The following OXR1 variants were observed in gnomAD, a reference collection of about 807,000 sequenced individuals.
The protein encoded by OXR1 is oxidation resistance protein 1.
A neutral mutation model predicts 104.6 loss-of-function variants in OXR1; 41 were observed. That is an observed-to-expected ratio of 0.39 (90% CI 0.31 to 0.51). The LOEUF (loss-of-function observed/expected upper bound fraction) is 0.51, where lower values mean the gene tolerates loss of function less well. OXR1 is among the 20% of genes least tolerant of loss of function. OXR1 has a pLI of 0.77. For missense variants in OXR1, 955 were observed against 1,031.9 expected (o/e 0.93, Z 1.02); for synonymous variants, 348 against 348.4 (o/e 1.00, Z 0.01).
chr8:106,415,577 G>GAC (rs1818640868), intron 2 of OXR1, among the ~76,000 whole-genome samples: 2 of 121,798 alleles, frequency 1.6e-5, no homozygotes, highest in East Asian at 2.9e-4. Flanking sequence ...GACTGAGAGA[G>GAC]AGAGAGAGAC....
At chr8:106,469,304 G>A (rs959954458) in intron 2 of OXR1, among the ~76,000 whole-genome samples, 7 of 151,744 alleles carry the variant, frequency 4.6e-5, no homozygotes, top group Non-Finnish European at 1.0e-4. Context: ...TTGAATGCAT[G>A]AGAATGGTTA....
chr8:106,597,787 A>G (rs964897763), intron 3 of OXR1, among the ~76,000 whole-genome samples: 21 of 152,082 alleles, frequency 1.4e-4, no homozygotes, highest in Admixed American at 7.2e-4. Flanking sequence ...ATCTCTGATC[A>G]CTATTCACAA....
At chr8:106,364,515 G>A (rs1474680762) in intron 2 of OXR1, among the ~76,000 whole-genome samples, 1 of 152,096 alleles carries the variant, frequency 6.6e-6, no homozygotes, top group Non-Finnish European at 1.5e-5. Flanking sequence ...AGGAGGCAGA[G>A]GTTGCAGTGA....
At chr8:106,436,957 C>T (rs1381490900) in intron 2 of OXR1, among the ~76,000 whole-genome samples, 5 of 152,018 alleles carry the variant, frequency 3.3e-5, no homozygotes, top group Non-Finnish European at 7.4e-5. Flanking sequence ...TGTACCTTCC[C>T]CAAAAAGAAA....
rs796149136 is a variant in OXR1, at chr8:106,360,493, T to C, written c.23+857T>C. ...CTCAACTTAGCTCCATAAATTTATTTTTAGTGAAGTCAGCAATTTTTTTAG... is the reference window on the plus strand; with the variant it reads ...CTCAACTTAGCTCCATAAATTTATTCTTAGTGAAGTCAGCAATTTTTTTAG... On this transcript the variant is annotated intron_variant, in intron 2 of 16. Coordinates refer to ENST00000517566, the MANE Select transcript of OXR1 (RefSeq NM_001198533.2). Among the ~76,000 whole-genome samples, 9 of 152,276 alleles carry C rather than the reference T, an allele frequency of 5.9e-5. 1 individual carries two copies. The highest frequency in any genetic ancestry group is 2.2e-4 in the African/African-American group (9 of 41,562).
chr8:106,666,782 A>G (rs2131126262), intron 3 of OXR1, among the ~76,000 whole-genome samples: 1 of 152,300 alleles, frequency 6.6e-6, no homozygotes, highest in Non-Finnish European at 1.5e-5. Flanking sequence ...GTAATCAGAT[A>G]TCCAGGATCG....
At chr8:106,523,948 G>A (rs1813451881) in intron 3 of OXR1, among the ~76,000 whole-genome samples, 2 of 151,862 alleles carry the variant, frequency 1.3e-5, no homozygotes, top group Non-Finnish European at 2.9e-5. Context: ...CTAAGTTTTT[G>A]TATTTTTTTA....
intron 1 of OXR1, among the ~76,000 whole-genome samples, chr8:106,274,690 T>G (rs980524020): frequency 6.7e-6 from 1 of 149,638 alleles, no homozygotes; most frequent in African/African-American, 2.5e-5. Context: ...TGTACCTGTC[T>G]TGGAAAAAGG....
intron 1 of OXR1, among the ~76,000 whole-genome samples, chr8:106,321,791 CAATT>C (rs1307162766): frequency 1.3e-5 from 2 of 152,102 alleles, no homozygotes; most frequent in Admixed American, 6.5e-5. Context: ...CAATCTTAAA[CAATT>C]AATTGGGAAC....
chr8:106,600,769 G>A (rs1819912553), intron 3 of OXR1, among the ~76,000 whole-genome samples: 1 of 152,028 alleles, frequency 6.6e-6, no homozygotes, highest in South Asian at 2.1e-4. Context: ...TGTCATATAG[G>A]CTGATCTCAG....
intron 3 of OXR1, among the ~76,000 whole-genome samples, chr8:106,571,699 C>T (rs1381413610): frequency 1.3e-5 from 2 of 152,098 alleles, no homozygotes; most frequent in South Asian, 2.1e-4. Flanking sequence ...GGGTGAGATA[C>T]GGGTGAGACT....
chr8:106,664,470 A>G (rs1017121123), intron 3 of OXR1, among the ~76,000 whole-genome samples: 62 of 152,360 alleles, frequency 4.1e-4, no homozygotes, highest in Non-Finnish European at 5.9e-5. Flanking sequence ...AAGTAAATAT[A>G]GAAATGATGA....
At chr8:106,670,839 A>G (rs1826870024) in intron 3 of OXR1, among the ~76,000 whole-genome samples, 1 of 152,086 alleles carries the variant, frequency 6.6e-6, no homozygotes, top group Admixed American at 6.6e-5. Flanking sequence ...CAAAAGCATT[A>G]TTTAAAGAGA....
At chr8:106,595,895 G>A (rs1206119192) in intron 3 of OXR1, among the ~76,000 whole-genome samples, 27 of 152,142 alleles carry the variant, frequency 1.8e-4, no homozygotes, top group Non-Finnish European at 1.6e-4. Flanking sequence ...CAGGTCAGGG[G>A]AGACTGGTGA....
chr8:106,470,915 GATTGCTGACCATTGGAGGTC>G (rs1821457027), intron 2 of OXR1, among the ~76,000 whole-genome samples: 1 of 151,952 alleles, frequency 6.6e-6, no homozygotes, highest in African/African-American at 2.4e-5. Context: ...TAGCAATGGT[GATTGCTGACCATTGGAGGTC>G]ATTGCTGACC....
Position 106,270,251 on chromosome 8 carries a change from C to T in OXR1, c.-255C>T, listed in dbSNP as rs1321210224. ...GCTGCGTCAGGCTGAGCCCATTCAC[C>T]TCGCGGCCACAGGAGCTCAGCGCCG... On this transcript the variant is annotated 5_prime_UTR_variant, in exon 1 of 17. Transcript: ENST00000517566. The T allele has an allele frequency of 2.6e-5, 4 of 151,952 alleles. No homozygotes were observed. The highest frequency in any genetic ancestry group is 4.4e-5 in the Non-Finnish European group (3 of 68,010). 9.4% of individuals were successfully genotyped at this position (151,952 alleles called of 1,614,324 possible).
chr8:106,625,254 C>T (rs1822054307), intron 3 of OXR1, among the ~76,000 whole-genome samples: 1 of 152,092 alleles, frequency 6.6e-6, no homozygotes, highest in African/African-American at 2.4e-5. Flanking sequence ...TCAAAATTTT[C>T]AAGCTGGGAG....
Position 106,714,723 on chromosome 8 carries a change from G to A in OXR1, c.1956+738G>A, listed in dbSNP as rs191699560. On this transcript the variant is annotated intron_variant, in intron 11 of 16. Coordinates refer to ENST00000517566, the MANE Select transcript of OXR1 (RefSeq NM_001198533.2). ...GTCTCTTCTTGATGCATTAGAAAAT[G>A]TAGAGCAGATGCTAAAATGTTATAA... is the stretch of plus-strand genomic sequence containing the variant. 5.7e-4 allele frequency among the ~76,000 whole-genome samples: 87 copies of A among 152,204 alleles called. 1 individual carries two copies. Among genetic ancestry groups the A allele is most frequent in the African/African-American group, 1.9e-3 (79 of 41,564 alleles).
intron 2 of OXR1, among the ~76,000 whole-genome samples, chr8:106,442,203 G>A (rs1250700239): frequency 6.6e-6 from 1 of 152,150 alleles, no homozygotes; most frequent in Non-Finnish European, 1.5e-5. Context: ...CTGTTTATGT[G>A]ATGGATTACG....
Sources: gnomAD v4.1 joint callset for allele counts (sites outside exome capture counted in the v4.1 genomes callset) on GRCh38, gnomAD v4.1.1 for gene constraint, MANE v1.5 for transcripts, NCBI Gene and HGNC (gene_info 2026-07-23, HGNC 2026-07-21) for gene names.